Variants in NALF1 observed in about 807,000 individuals in gnomAD.
The protein encoded by NALF1 is NALCN channel auxiliary factor 1, also known as family with sequence similarity 155 member A.
A neutral mutation model predicts 48.4 loss-of-function variants in NALF1; 3 were observed. The ratio of observed to expected loss-of-function variants is 0.06; its 90% CI spans 0.03 to 0.16. The LOEUF (loss-of-function observed/expected upper bound fraction) is 0.16. Among genes scored for constraint, NALF1 ranks in the 10% least tolerant of loss-of-function variants. The pLI is 1.00. For synonymous variants in NALF1, 262 were observed against 245.7 expected (o/e 1.07, Z -0.62); for missense variants, 526 against 571.5 (o/e 0.92, Z 0.81).
At chr13:107,627,990 G>A (rs1310376789) in intron 1 of NALF1, among the ~76,000 whole-genome samples, 1 of 152,106 alleles carries the variant, frequency 6.6e-6, no homozygotes, top group Non-Finnish European at 1.5e-5. Context: ...GTAAAGTTAT[G>A]TGGAATTTAT....
At chr13:107,798,338 G>A (rs890107849) in intron 1 of NALF1, among the ~76,000 whole-genome samples, 3 of 152,052 alleles carry the variant, frequency 2.0e-5, no homozygotes, top group African/African-American at 7.2e-5. Flanking sequence ...CTCTCTAGAG[G>A]TTAATACATT....
intron 1 of NALF1, among the ~76,000 whole-genome samples, chr13:107,570,198 C>T (rs868114240): frequency 8.6e-5 from 13 of 151,694 alleles, no homozygotes; most frequent in Middle Eastern, 3.4e-3. Context: ...TCTTGCATTA[C>T]AGCTGAGACT....
intron 2 of NALF1, among the ~76,000 whole-genome samples, chr13:107,204,096 A>T (rs2138797554): frequency 9.3e-6 from 1 of 107,024 alleles, no homozygotes; most frequent in Non-Finnish European, 2.1e-5. Context: ...GGTGAGCTGG[A>T]GGCAGAGAGG....
At chr13:107,624,437 T>G (rs746344247) in intron 1 of NALF1, among the ~76,000 whole-genome samples, 13 of 152,182 alleles carry the variant, frequency 8.5e-5, no homozygotes, top group Non-Finnish European at 1.3e-4. Flanking sequence ...CAGAAACTCC[T>G]TAATCTGTAG....
chr13:107,404,852 G>T (rs1264245909), intron 1 of NALF1, among the ~76,000 whole-genome samples: 2 of 152,066 alleles, frequency 1.3e-5, no homozygotes, highest in Non-Finnish European at 2.9e-5. Flanking sequence ...TTAGTAGACT[G>T]CAGCAAGGAA....
At chr13:107,318,687 G>A (rs1435310310) in intron 1 of NALF1, among the ~76,000 whole-genome samples, 1 of 152,012 alleles carries the variant, frequency 6.6e-6, no homozygotes, top group Non-Finnish European at 1.5e-5. Context: ...TTGCCCCAAC[G>A]ATTCTACTTT....
At chr13:107,199,303 C>A (rs1879459714) in intron 2 of NALF1, among the ~76,000 whole-genome samples, 1 of 152,132 alleles carries the variant, frequency 6.6e-6, no homozygotes, top group Non-Finnish European at 1.5e-5. Flanking sequence ...TCAGAAGAAA[C>A]AAAACCTTGA....
intron 1 of NALF1, among the ~76,000 whole-genome samples, chr13:107,420,462 TTC>T (rs72220865): frequency 6.6e-6 from 1 of 152,138 alleles, no homozygotes; most frequent in Non-Finnish European, 1.5e-5. Context: ...AAGTCAGATT[TTC>T]TCTCTCTCTA....
chr13:107,259,162 G>C (rs945923150), intron 1 of NALF1, among the ~76,000 whole-genome samples: 1 of 152,100 alleles, frequency 6.6e-6, no homozygotes, highest in Non-Finnish European at 1.5e-5. Flanking sequence ...TCCTGGCCAC[G>C]TGTGCCTTTT....
rs559263292 is a variant in NALF1, at chr13:107,638,187, TTATATA to T, written c.915+227489_915+227494del. Among the ~76,000 whole-genome samples the T allele has an allele frequency of 8.2e-3, 434 of 53,118 alleles. 9 individuals are homozygous for T. The highest frequency in any genetic ancestry group is 0.018 in the African/African-American group (417 of 22,584). The allele number at this position is 53,118 out of a possible 152,430, so 34.8% of individuals were successfully genotyped here. On this transcript the variant is annotated intron_variant, in intron 1 of 2. Transcript: ENST00000375915. ...TATATATCCCTATCTATATAAAGATTTATATATATATATATATATAATTTAAGATGA... is the reference window on the plus strand; with the variant it reads ...TATATATCCCTATCTATATAAAGATTTATATATATATATAATTTAAGATGA...
intron 1 of NALF1, among the ~76,000 whole-genome samples, chr13:107,253,101 AC>A (rs1188623495): frequency 6.6e-6 from 1 of 152,086 alleles, no homozygotes; most frequent in Non-Finnish European, 1.5e-5. Context: ...ATAATAGTCA[AC>A]CTTTTATTTT....
rs1410866211 is a variant in NALF1, at chr13:107,621,962, C to T, written c.915+243720G>A. Among the ~76,000 whole-genome samples, 4 of 151,340 alleles carry T rather than the reference C, an allele frequency of 2.6e-5. No individual in the cohort carries two copies. The South Asian group carries it at 6.3e-4, about 24-fold the overall frequency. On this transcript the variant is annotated intron_variant, in intron 1 of 2. Transcript: ENST00000375915. ...TCTAAACAGAGAAATTTCTGTGATT[C>T]ATGGAATGACATCTGGAATATGCCC...
At chr13:107,544,650 T>C (rs1187925364) in intron 1 of NALF1, among the ~76,000 whole-genome samples, 1 of 152,120 alleles carries the variant, frequency 6.6e-6, no homozygotes, top group Non-Finnish European at 1.5e-5. Context: ...CACAGGACCC[T>C]TGGTTCTATA....
At chr13:107,806,676 T>C (rs773564508) in intron 1 of NALF1, among the ~76,000 whole-genome samples, 18 of 152,158 alleles carry the variant, frequency 1.2e-4, no homozygotes, top group Non-Finnish European at 1.9e-4. Context: ...CACTCCATAA[T>C]CCCTGACCTA....
chr13:107,817,832 C>CT (rs1879214067), intron 1 of NALF1, among the ~76,000 whole-genome samples: 2 of 131,028 alleles, frequency 1.5e-5, no homozygotes, highest in South Asian at 5.8e-4. Context: ...CACACCATCC[C>CT]TTGCAATCTG....
intron 1 of NALF1, among the ~76,000 whole-genome samples, chr13:107,557,239 T>C (rs1378387951): frequency 6.6e-6 from 1 of 152,210 alleles, no homozygotes; most frequent in East Asian, 1.9e-4. Context: ...GTAACCCTTT[T>C]AGCACAGAAG....
intron 1 of NALF1, among the ~76,000 whole-genome samples, chr13:107,529,707 T>G (rs11843737): frequency 0.017 from 2,579 of 152,214 alleles, 86 homozygotes; most frequent in African/African-American, 0.059. Context: ...ATGTGATGAA[T>G]TAATTACATC....
chr13:107,572,467 G>C (rs1469335289), intron 1 of NALF1, among the ~76,000 whole-genome samples: 1 of 152,068 alleles, frequency 6.6e-6, no homozygotes, highest in Non-Finnish European at 1.5e-5. Flanking sequence ...GGGAATTGGG[G>C]CTCAAAAAAA....
At chr13:107,535,011 T>C (rs1876758691) in intron 1 of NALF1, among the ~76,000 whole-genome samples, 1 of 152,166 alleles carries the variant, frequency 6.6e-6, no homozygotes, top group South Asian at 2.1e-4. Flanking sequence ...ATAAGAATGC[T>C]TGTGATTTTT....
Sources: allele counts gnomAD v4.1 joint callset (sites outside exome capture counted in the v4.1 genomes callset), GRCh38; gene constraint gnomAD v4.1.1; transcripts MANE v1.5; gene names NCBI Gene and HGNC (gene_info 2026-07-23, HGNC 2026-07-21).